Variants in ZMAT4 observed in about 807,000 individuals in gnomAD.
ZMAT4 encodes the protein zinc finger matrin-type 4.
Under a neutral mutation model 28.7 loss-of-function variants are expected in ZMAT4, and 17 were observed. The ratio of observed to expected loss-of-function variants is 0.59; its 90% confidence interval spans 0.41 to 0.89. The LOEUF is 0.89. ZMAT4 is among the 40% of genes least tolerant of loss of function. The pLI is 0.00. For missense variants in ZMAT4, 240 were observed against 283.8 expected (o/e 0.85, Z 1.11); for synonymous variants, 117 against 109.2 (o/e 1.07, Z -0.44).
Position 40,859,473 on chromosome 8 carries a change from T to C in ZMAT4, c.-4-33793A>G, listed in dbSNP as rs77985354. ...CTAGCAACGCACACACACACACACA[T>C]GCACACACACACACACCCCTTAAGG... On this transcript the variant is annotated intron_variant, in intron 1 of 6. Coordinates refer to ENST00000297737, the MANE Select transcript of ZMAT4 (RefSeq NM_024645.3). Among the ~76,000 whole-genome samples the C allele has an allele frequency of 1.2e-3, 144 of 120,460 alleles. 1 individual carries two copies. Among genetic ancestry groups the C allele is most frequent in the African/African-American group, 4.8e-3 (137 of 28,592 alleles). 79.0% of individuals were successfully genotyped at this position (120,460 alleles called of 152,430 possible). A position where few individuals can be genotyped will look rare whatever the true frequency, so the allele number is the denominator to read the frequency against.
intron 3 of ZMAT4, among the ~76,000 whole-genome samples, chr8:40,713,568 C>T (rs555958420): frequency 2.9e-4 from 44 of 151,918 alleles, no homozygotes; most frequent in Admixed American, 1.4e-3. Flanking sequence ...TAGTTAACAC[C>T]CCACCAGTTA....
rs116953975 is a variant in ZMAT4 at position 40,602,490 on chromosome 8, G to T, written c.578-21229C>A. Among the ~76,000 whole-genome samples the T allele has an allele frequency of 2.1e-3, 321 of 152,224 alleles. 3 individuals carry two copies. The highest frequency in any genetic ancestry group is 3.3e-3 in the Non-Finnish European group (222 of 67,994). On this transcript the variant is annotated intron_variant, in intron 5 of 6. Coordinates refer to ENST00000297737, the MANE Select transcript of ZMAT4 (RefSeq NM_024645.3). ...TGTATTAGTTTACATTCACACCAAA[G>T]GGTGTAAAAGTGTTCCCTTTTCACC...
chr8:40,717,908 C>T (rs1810925246), intron 3 of ZMAT4, among the ~76,000 whole-genome samples: 1 of 149,616 alleles, frequency 6.7e-6, no homozygotes, highest in African/African-American at 2.5e-5. Flanking sequence ...TACTGTTGTT[C>T]TCTGTTTCCC....
At chr8:40,857,270 G>T (rs545342667) in intron 1 of ZMAT4, among the ~76,000 whole-genome samples, 2 of 152,050 alleles carry the variant, frequency 1.3e-5, no homozygotes, top group Non-Finnish European at 1.5e-5. Flanking sequence ...CAGAAGGATC[G>T]TTTGAGTCAG....
chr8:40,732,834 C>CTTTTTTTTTTTTT (rs11461186), intron 3 of ZMAT4, among the ~76,000 whole-genome samples: 2 of 67,022 alleles, frequency 3.0e-5, no homozygotes, highest in African/African-American at 1.1e-4. Context: ...GCAAGACCTC[C>CTTTTTTTTTTTTT]TTTTTTTTTT....
intron 3 of ZMAT4, among the ~76,000 whole-genome samples, chr8:40,762,042 T>C (rs898903691): frequency 6.6e-6 from 1 of 152,216 alleles, no homozygotes; most frequent in African/African-American, 2.4e-5. Flanking sequence ...CAGCACTTGT[T>C]GGTAAACGCA....
At chr8:40,882,020 C>A (rs1044819834) in intron 1 of ZMAT4, among the ~76,000 whole-genome samples, 2 of 152,142 alleles carry the variant, frequency 1.3e-5, no homozygotes, top group Non-Finnish European at 2.9e-5. Flanking sequence ...TCAATCCCTG[C>A]ACCAACAGCT....
At chr8:40,784,742 C>T (rs906264899) in intron 2 of ZMAT4, among the ~76,000 whole-genome samples, 1 of 152,196 alleles carries the variant, frequency 6.6e-6, no homozygotes, top group Admixed American at 6.5e-5. Flanking sequence ...ATTACCCCTG[C>T]TCCCGGGGTT....
chr8:40,705,236 A>C (rs554511034), intron 3 of ZMAT4, among the ~76,000 whole-genome samples: 36 of 152,340 alleles, frequency 2.4e-4, no homozygotes, highest in African/African-American at 8.7e-4. Flanking sequence ...AGACCCCAAA[A>C]GGGAGAAATT....
chr8:40,705,014 G>C (rs941262679), intron 3 of ZMAT4, among the ~76,000 whole-genome samples: 1 of 152,186 alleles, frequency 6.6e-6, no homozygotes, highest in African/African-American at 2.4e-5. Context: ...ATGCCCTGCT[G>C]TTTGGATACA....
At chr8:40,578,339 C>G (rs958295789) in intron 6 of ZMAT4, among the ~76,000 whole-genome samples, 1 of 152,024 alleles carries the variant, frequency 6.6e-6, no homozygotes, top group African/African-American at 2.4e-5. Flanking sequence ...CTCTCCCTCA[C>G]ACTATGCATA....
At chr8:40,747,643 G>A (rs529728687) in intron 3 of ZMAT4, among the ~76,000 whole-genome samples, 3 of 152,230 alleles carry the variant, frequency 2.0e-5, no homozygotes, top group East Asian at 3.9e-4. Flanking sequence ...GGTAAGAGAG[G>A]TGGGAGGAGG....
intron 4 of ZMAT4, among the ~76,000 whole-genome samples, chr8:40,675,998 A>G (rs999285194): frequency 6.6e-6 from 1 of 152,246 alleles, no homozygotes; most frequent in East Asian, 1.9e-4. Flanking sequence ...CAAACAAAAA[A>G]GAGCCTAACT....
At chr8:40,727,066 G>A (rs1811343597) in intron 3 of ZMAT4, among the ~76,000 whole-genome samples, 1 of 152,196 alleles carries the variant, frequency 6.6e-6, no homozygotes, top group Admixed American at 6.6e-5. Flanking sequence ...CAACTGGCTT[G>A]AGGAAATTAT....
At chr8:40,822,859 C>A (rs539296996) in intron 2 of ZMAT4, among the ~76,000 whole-genome samples, 1 of 152,274 alleles carries the variant, frequency 6.6e-6, no homozygotes, top group East Asian at 1.9e-4. Flanking sequence ...CTGTTAATTG[C>A]AGATCTGTTG....
At chr8:40,548,885 C>T (rs1307031113) in intron 6 of ZMAT4, among the ~76,000 whole-genome samples, 1 of 152,150 alleles carries the variant, frequency 6.6e-6, no homozygotes, top group Admixed American at 6.5e-5. Context: ...TTCTGCTAAG[C>T]TGACAAAGGT....
intron 1 of ZMAT4, among the ~76,000 whole-genome samples, chr8:40,836,080 G>A (rs373296855): frequency 3.9e-5 from 6 of 152,164 alleles, no homozygotes; most frequent in Non-Finnish European, 7.3e-5. Flanking sequence ...AAATCTTTCC[G>A]TTAGAACTTC....
chr8:40,672,763 T>A lies in ZMAT4; in HGVS notation c.577+1941A>T, dbSNP rs550405619. On this transcript the variant is annotated intron_variant, in intron 5 of 6. Transcript: ENST00000297737. ...AAGGAGTCACTGAGACAACTTGTTA[T>A]CTGCCAGTAACACAGGCATTGCAGT... 7.9e-5 allele frequency among the ~76,000 whole-genome samples: 12 copies of A among 152,338 alleles called. No homozygotes were observed. The East Asian group carries it at 1.7e-3, about 22-fold the overall frequency.
intron 5 of ZMAT4, among the ~76,000 whole-genome samples, chr8:40,620,850 G>T (rs1806172778): frequency 1.3e-5 from 2 of 152,322 alleles, no homozygotes; most frequent in South Asian, 4.1e-4. Context: ...GGCAAGCCTT[G>T]TTGTGGCTCA....
Sources: allele counts gnomAD v4.1 joint callset (sites outside exome capture counted in the v4.1 genomes callset), GRCh38; gene constraint gnomAD v4.1.1; transcripts MANE v1.5; gene names NCBI Gene and HGNC (gene_info 2026-07-23, HGNC 2026-07-21).